The following NCALD variants were observed in gnomAD, a reference collection of about 807,000 sequenced individuals.
NCALD encodes the protein neurocalcin-delta.
In NCALD, 10 loss-of-function variants were observed where a neutral mutation model predicts 18.6. That is an observed-to-expected ratio of 0.54 (90% CI 0.33 to 0.91). The LOEUF (loss-of-function observed/expected upper bound fraction) is 0.91. Ranked by LOEUF, NCALD falls within the 40% of genes least tolerant of loss-of-function variation. The pLI is 0.03. For missense variants in NCALD, 184 were observed against 247.6 expected (o/e 0.74, Z 1.72); for synonymous variants, 88 against 87.4 (o/e 1.01, Z -0.04).
rs566743886 is a variant in NCALD, at chr8:101,787,957, C to A, written c.-20+2905G>T. Among the ~76,000 whole-genome samples, 3 of 152,292 alleles carry A rather than the reference C, an allele frequency of 2.0e-5. No individual in the cohort carries two copies. In the South Asian group the frequency reaches 6.2e-4, roughly 32 times the overall value. On this transcript the variant is annotated intron_variant, in intron 1 of 3. Coordinates refer to ENST00000220931, the MANE Select transcript of NCALD (RefSeq NM_032041.3). ...ATGGTTTTAACTCGCATAACTTGTA[C>A]TAACACTATGAGTTTTCCTCTTAAC...
chr8:101,992,159 G>A (rs1821072736), intron 2 of NCALD, among the ~76,000 whole-genome samples: 1 of 152,184 alleles, frequency 6.6e-6, no homozygotes, highest in African/African-American at 2.4e-5. Context: ...CTTCCCTGAA[G>A]CCAGATGGAT....
intron 4 of NCALD, among the ~76,000 whole-genome samples, chr8:101,830,709 T>C (rs1304707017): frequency 1.3e-5 from 2 of 151,986 alleles, no homozygotes; most frequent in African/African-American, 2.4e-5. Context: ...ACCACTGTTA[T>C]TACCCTCATT....
chr8:102,008,474 TAAAAAA>T (rs34867950), intron 2 of NCALD, among the ~76,000 whole-genome samples: 1 of 133,364 alleles, frequency 7.5e-6, no homozygotes, highest in African/African-American at 2.8e-5. Context: ...TAAAGGCAGT[TAAAAAA>T]AAAAAAAAAA....
At chr8:101,890,496 T>C (rs767268998) in intron 3 of NCALD, among the ~76,000 whole-genome samples, 1 of 152,178 alleles carries the variant, frequency 6.6e-6, no homozygotes, top group Admixed American at 6.5e-5. Context: ...TTGAGAGATA[T>C]GGCCTTGGGG....
intron 4 of NCALD, among the ~76,000 whole-genome samples, chr8:101,833,440 A>G (rs540421171): frequency 6.6e-6 from 1 of 152,318 alleles, no homozygotes; most frequent in South Asian, 2.1e-4. Flanking sequence ...TGAACATCTA[A>G]GTTTTGAAGT....
intron 1 of NCALD, among the ~76,000 whole-genome samples, chr8:102,073,129 G>GTTA (rs1824231365): frequency 6.6e-6 from 1 of 152,068 alleles, no homozygotes; most frequent in Non-Finnish European, 1.5e-5. Flanking sequence ...ATATTGCAAA[G>GTTA]TTATTTTTTA....
chr8:102,058,978 G>A (rs1188345116), intron 1 of NCALD, among the ~76,000 whole-genome samples: 1 of 152,092 alleles, frequency 6.6e-6, no homozygotes, highest in Non-Finnish European at 1.5e-5. Flanking sequence ...GGCTGAAAAA[G>A]GCACAAAAAG....
chr8:102,095,358 G>A (rs1469365918), intron 1 of NCALD, among the ~76,000 whole-genome samples: 1 of 152,168 alleles, frequency 6.6e-6, no homozygotes, highest in East Asian at 1.9e-4. Flanking sequence ...TTCTGATGGT[G>A]AGGCAGGAGC....
At chr8:101,894,360 G>A (rs941855660) in intron 3 of NCALD, among the ~76,000 whole-genome samples, 19 of 127,008 alleles carry the variant, frequency 1.5e-4, no homozygotes, top group Non-Finnish European at 2.7e-4. Flanking sequence ...CACATTCAAA[G>A]CAGTGTGTAG....
intron 4 of NCALD, among the ~76,000 whole-genome samples, chr8:101,842,921 G>A (rs1402097729): frequency 2.0e-5 from 3 of 152,148 alleles, no homozygotes; most frequent in Non-Finnish European, 2.9e-5. Flanking sequence ...TGGTTGGGGG[G>A]AAGATGAGAA....
chr8:101,732,219 T>C (rs1813538442), intron 1 of NCALD, among the ~76,000 whole-genome samples: 1 of 152,266 alleles, frequency 6.6e-6, no homozygotes, highest in South Asian at 2.1e-4. Flanking sequence ...AACTCATTAT[T>C]ACTACTTTGG....
At chr8:101,808,409 C>A (rs1563789916) in intron 4 of NCALD, among the ~76,000 whole-genome samples, 1 of 152,322 alleles carries the variant, frequency 6.6e-6, no homozygotes, top group East Asian at 1.9e-4. Context: ...CACATGGCTG[C>A]CCTTCAGAGA....
chr8:102,100,511 CA>C (rs1825239967), intron 1 of NCALD, among the ~76,000 whole-genome samples: 1 of 151,988 alleles, frequency 6.6e-6, no homozygotes, highest in Non-Finnish European at 1.5e-5. Flanking sequence ...CTGAGAGAAA[CA>C]AAAGCTGGAG....
chr8:101,804,565 A>T (rs1432116857), intron 4 of NCALD, among the ~76,000 whole-genome samples: 2 of 121,924 alleles, frequency 1.6e-5, no homozygotes, highest in Non-Finnish European at 3.3e-5. Flanking sequence ...TATATAATAT[A>T]TAATTAATAT....
At chr8:101,913,906 G>T (rs543001011) in intron 3 of NCALD, among the ~76,000 whole-genome samples, 1 of 152,102 alleles carries the variant, frequency 6.6e-6, no homozygotes, top group East Asian at 1.9e-4. Flanking sequence ...TCAAATAAAT[G>T]GTTTATTTTC....
intron 3 of NCALD, among the ~76,000 whole-genome samples, chr8:101,906,133 T>G (rs1394030821): frequency 6.6e-6 from 1 of 152,146 alleles, no homozygotes; most frequent in African/African-American, 2.4e-5. Context: ...AGCTGGGCCC[T>G]GATGGAACTC....
At chr8:102,068,581 T>C (rs1484765039) in intron 1 of NCALD, among the ~76,000 whole-genome samples, 1 of 152,226 alleles carries the variant, frequency 6.6e-6, no homozygotes, top group Non-Finnish European at 1.5e-5. Flanking sequence ...TAAAGTTGCC[T>C]GCCTACCCCT....
At chr8:101,961,441 G>A (rs1819831624) in intron 2 of NCALD, among the ~76,000 whole-genome samples, 1 of 152,112 alleles carries the variant, frequency 6.6e-6, no homozygotes, top group Non-Finnish European at 1.5e-5. Flanking sequence ...AAGTTCAATA[G>A]TTTTTTTCTA....
intron 1 of NCALD, among the ~76,000 whole-genome samples, chr8:102,058,613 C>T (rs1216221900): frequency 1.3e-5 from 2 of 152,196 alleles, no homozygotes; most frequent in Non-Finnish European, 2.9e-5. Context: ...CTCTCTCCCT[C>T]GCTCTTGGCC....
Sources: gnomAD v4.1 joint callset for allele counts (sites outside exome capture counted in the v4.1 genomes callset) on GRCh38, gnomAD v4.1.1 for gene constraint, MANE v1.5 for transcripts, NCBI Gene and HGNC (gene_info 2026-07-23, HGNC 2026-07-21) for gene names.